The following SH3RF1 variants were observed in gnomAD, a reference collection of about 807,000 sequenced individuals.
SH3RF1 encodes the protein E3 ubiquitin-protein ligase SH3RF1.
A neutral mutation model predicts 74.0 loss-of-function variants in SH3RF1; 32 were observed. That is an observed-to-expected ratio of 0.43 (90% confidence interval 0.33 to 0.58). The LOEUF (loss-of-function observed/expected upper bound fraction) is 0.58, where lower values mean the gene tolerates loss of function less well. SH3RF1 is among the 20% of genes least tolerant of loss of function. The pLI is 0.05. For missense variants in SH3RF1, 954 were observed against 1,130.9 expected (o/e 0.84, Z 2.24); for synonymous variants, 396 against 439.6 (o/e 0.90, Z 1.24).
At chr4:169,249,101 G>A (rs554898568) in intron 2 of SH3RF1, among the ~76,000 whole-genome samples, 5 of 152,070 alleles carry the variant, frequency 3.3e-5, no homozygotes, top group African/African-American at 7.2e-5. Context: ...GGTGGTGGGC[G>A]CCTGTAGTCC....
intron 9 of SH3RF1, among the ~76,000 whole-genome samples, 196 bp downstream of exon 9, chr4:169,117,327 A>ATC (rs1733352960): frequency 6.6e-6 from 1 of 152,256 alleles, no homozygotes; most frequent in South Asian, 2.1e-4. Context: ...CTTTAGATCT[A>ATC]TCCATCAGGC....
chr4:169,120,584 T>C (rs1279032221), intron 8 of SH3RF1, among the ~76,000 whole-genome samples: 1 of 152,220 alleles, frequency 6.6e-6, no homozygotes, highest in Non-Finnish European at 1.5e-5. Flanking sequence ...GCAAATAACT[T>C]AAAACCCAGT....
chr4:169,189,337 A>T (rs969501454), intron 2 of SH3RF1, among the ~76,000 whole-genome samples: 11 of 152,268 alleles, frequency 7.2e-5, no homozygotes, highest in Non-Finnish European at 1.5e-4. Flanking sequence ...AACACTTTTT[A>T]AAAAATATCT....
chr4:169,123,944 A>G (rs147924465), intron 6 of SH3RF1, among the ~76,000 whole-genome samples: 3 of 152,212 alleles, frequency 2.0e-5, no homozygotes, highest in Non-Finnish European at 2.9e-5. Context: ...TGAGGCTTAG[A>G]GCCTCCAAAA....
Position 169,116,648 on chromosome 4 carries a change from G to A in SH3RF1, c.1778-18C>T. On this transcript the variant is annotated intron_variant, in intron 9 of 11. Coordinates refer to ENST00000284637, the MANE Select transcript of SH3RF1 (RefSeq NM_020870.4). Reference sequence around the variant, plus strand: ...CGCTGCAACTAGTAGATGGGAAGAGGGAACACAGCAAAATTCAACTATCTA... The same window carrying A: ...CGCTGCAACTAGTAGATGGGAAGAGAGAACACAGCAAAATTCAACTATCTA... 6.6e-7 allele frequency: 1 copy of A among 1,514,768 alleles called. No homozygotes were observed. Among genetic ancestry groups the A allele is most frequent in the Non-Finnish European group, 8.9e-7 (1 of 1,129,652 alleles). 93.8% of individuals were successfully genotyped at this position (1,514,768 alleles called of 1,614,324 possible).
chr4:169,266,100 T>G (rs1354512327), intron 2 of SH3RF1, among the ~76,000 whole-genome samples: 1 of 152,180 alleles, frequency 6.6e-6, no homozygotes, highest in Non-Finnish European at 1.5e-5. Context: ...CCCATGGTGA[T>G]TCCAATCCCA....
intron 2 of SH3RF1, among the ~76,000 whole-genome samples, chr4:169,194,452 T>C (rs552399878): frequency 6.6e-6 from 1 of 152,342 alleles, no homozygotes; most frequent in South Asian, 2.1e-4. Flanking sequence ...TTTAAAATGT[T>C]ATTTAAATGG....
At position 169,156,664 on chromosome 4, in the gene SH3RF1, G is replaced by A; in HGVS notation, c.409C>T (p.Pro137Ser). 1.9e-6 allele frequency: 3 copies of A among 1,609,230 alleles called. No individual in the cohort carries two copies. The highest frequency in any genetic ancestry group is 2.2e-5 in the East Asian group (1 of 44,770). The change falls in exon 3 of 12, where the codon CCA becomes TCA. Residue 137 changes from proline (P) to serine (S), a missense_variant. Physicochemically the swap from Pro to Ser is moderately conservative, Grantham distance 74. Around this residue, in one of 3 missense-constraint regions of SH3RF1, gnomAD observed 854 missense variants for 962.5 expected, o/e 0.89. Transcript: ENST00000284637. ...SPPVRGIPQL[P>S]CAKALYNYEG... ...TAGTTGTATAATGCTTTGGCACATG[G>A]TAACTGAGGTATACCCTTTAAAAAA...
At chr4:169,216,367 T>C (rs941785155) in intron 2 of SH3RF1, among the ~76,000 whole-genome samples, 2 of 152,212 alleles carry the variant, frequency 1.3e-5, no homozygotes, top group African/African-American at 4.8e-5. Flanking sequence ...TTATTTGTCT[T>C]CATGAGACCT....
intron 2 of SH3RF1, among the ~76,000 whole-genome samples, chr4:169,194,085 A>AT (rs898962367): frequency 3.3e-5 from 5 of 151,998 alleles, no homozygotes; most frequent in African/African-American, 4.8e-5. Context: ...ACATCCCAAC[A>AT]TTTTTTTTAG....
intron 4 of SH3RF1, among the ~76,000 whole-genome samples, chr4:169,144,273 T>C (rs1579104437): frequency 6.6e-6 from 1 of 152,198 alleles, no homozygotes; most frequent in East Asian, 1.9e-4. Flanking sequence ...ATGCCTCCCA[T>C]TTCTCATTTG....
At chr4:169,225,983 C>T (rs1456294316) in intron 2 of SH3RF1, among the ~76,000 whole-genome samples, 1 of 152,048 alleles carries the variant, frequency 6.6e-6, no homozygotes, top group Non-Finnish European at 1.5e-5. Flanking sequence ...TGCTGACAGC[C>T]CCCTTAAACA....
chr4:169,107,462 T>G (rs1733165162), intron 10 of SH3RF1, among the ~76,000 whole-genome samples: 1 of 152,172 alleles, frequency 6.6e-6, no homozygotes, highest in African/African-American at 2.4e-5. Context: ...CTCCTCCTTC[T>G]CCCTTTCTGC....
At chr4:169,192,796 TTATA>T (rs56840426) in intron 2 of SH3RF1, among the ~76,000 whole-genome samples, 1 of 148,516 alleles carries the variant, frequency 6.7e-6, no homozygotes, top group African/African-American at 2.5e-5. Context: ...TATGTTTCTT[TTATA>T]TATATATGAT....
At chr4:169,142,980 A>T (rs1404199210) in intron 4 of SH3RF1, among the ~76,000 whole-genome samples, 1 of 152,212 alleles carries the variant, frequency 6.6e-6, no homozygotes, top group African/African-American at 2.4e-5. Flanking sequence ...AGACTTACCC[A>T]CAGAAGAGGA....
chr4:169,177,855 AATAT>A (rs367726071), intron 2 of SH3RF1, among the ~76,000 whole-genome samples: 1 of 150,770 alleles, frequency 6.6e-6, no homozygotes, highest in Admixed American at 6.6e-5. Flanking sequence ...GTATGTATAT[AATAT>A]ATATATATAT....
intron 2 of SH3RF1, among the ~76,000 whole-genome samples, chr4:169,248,503 G>A (rs531995434): frequency 7.6e-4 from 116 of 152,158 alleles, no homozygotes; most frequent in Non-Finnish European, 9.3e-4. Flanking sequence ...GGGAGGCAAG[G>A]AAAGGGAGAA....
intron 1 of SH3RF1, 90 bp downstream of exon 1, chr4:169,270,769 T>TGG (rs1215714810): frequency 2.6e-5 from 4 of 151,918 alleles, no homozygotes; most frequent in Non-Finnish European, 5.9e-5. Context: ...AGGGCGGGGA[T>TGG]GGGGGAATGT....
At chr4:169,122,548 C>T (rs1425860650) in intron 6 of SH3RF1, among the ~76,000 whole-genome samples, 2 of 152,068 alleles carry the variant, frequency 1.3e-5, no homozygotes, top group South Asian at 2.1e-4. Context: ...GAAACAATTG[C>T]ATGTAATCTT....
Sources: gnomAD v4.1 joint callset for allele counts (sites outside exome capture counted in the v4.1 genomes callset) on GRCh38, gnomAD v4.1.1 for gene constraint, gnomAD v4.1.1 regional missense constraint, MANE v1.5 for transcripts, NCBI Gene and HGNC (gene_info 2026-07-23, HGNC 2026-07-21) for gene names.